ABR: variants seen among roughly 807,000 people sequenced by gnomAD.
The protein encoded by ABR is active breakpoint cluster region-related protein.
ABR carries 35 observed loss-of-function variants against 107.2 expected under a neutral mutation model. That is an observed-to-expected ratio of 0.33 (90% CI 0.25 to 0.43). The LOEUF (loss-of-function observed/expected upper bound fraction) is 0.43. ABR is among the 20% of genes least tolerant of loss of function. ABR has a pLI of 1.00. For missense variants in ABR, 815 were observed against 1,115.2 expected, an observed-to-expected ratio of 0.73 and a Z score of 3.83; for synonymous variants, 498 against 462.0, an observed-to-expected ratio of 1.08 and a Z score of -1.00.
rs557029334 is a variant in ABR, at chr17:1,051,455, C to T, written c.1562-821G>A. Reference sequence around the variant, plus strand: ...GGAGGGCAGGGCCGGGGGCTTTCCCCGGCATTTCCATCTTCCACCCTGGCC... The same window carrying T: ...GGAGGGCAGGGCCGGGGGCTTTCCCTGGCATTTCCATCTTCCACCCTGGCC... On this transcript the variant is annotated intron_variant, in intron 14 of 22. Coordinates refer to ENST00000302538, the MANE Select transcript of ABR (RefSeq NM_021962.5). This position sits in a 1 kb window ranked among gnomAD's most constrained non-coding sequence, Gnocchi z 4.3. 6.6e-5 allele frequency among the ~76,000 whole-genome samples: 10 copies of T among 152,258 alleles called. No individual in the cohort carries two copies. In the South Asian group the frequency reaches 1.9e-3, roughly 28 times the overall value.
At chr17:1,224,508 A>C (rs945608502) in intron 1 of ABR, among the ~76,000 whole-genome samples, 6 of 151,970 alleles carry the variant, frequency 3.9e-5, no homozygotes, top group African/African-American at 1.5e-4. Flanking sequence ...ATAAAACCTG[A>C]CCTTAAGGAC....
intron 1 of ABR, among the ~76,000 whole-genome samples, chr17:1,207,665 A>G (rs1034941191): frequency 5.3e-5 from 8 of 151,600 alleles, no homozygotes; most frequent in South Asian, 2.1e-4. Flanking sequence ...AAAAAAAAAA[A>G]AGAGAAGTGG....
chr17:1,034,553 G>C (rs544115394), intron 16 of ABR, among the ~76,000 whole-genome samples: 107 of 152,286 alleles, frequency 7.0e-4, no homozygotes, highest in African/African-American at 2.5e-3. Context: ...TCCAGCTGGA[G>C]GCAACTGGGG....
intron 11 of ABR, 145 bp downstream of exon 11, chr17:1,058,600 G>A (rs1053844299): frequency 6.4e-5 from 71 of 1,100,794 alleles, no homozygotes; most frequent in Non-Finnish European, 8.1e-5. Flanking sequence ...AGGGGAGAGC[G>A]AGTCAACAGC....
At chr17:1,083,362 G>A in intron 5 of ABR, 158 bp downstream of exon 5, 1 of 417,164 alleles carries the variant, frequency 2.4e-6, no homozygotes, top group Non-Finnish European at 4.4e-6. Context: ...TCTATTAAGA[G>A]GGAAAATGTC....
In ABR at chr17:1,005,058, T is replaced by C; in HGVS notation, c.*1022A>G. 2.5e-6 allele frequency: 1 copy of C among 398,970 alleles called. No individual in the cohort carries two copies. The highest frequency in any genetic ancestry group is 4.4e-6 in the Non-Finnish European group (1 of 226,218). 24.7% of individuals were successfully genotyped at this position (398,970 alleles called of 1,614,324 possible). A position where few individuals can be genotyped will look rare whatever the true frequency, so the allele number is the denominator to read the frequency against. On this transcript the variant is annotated 3_prime_UTR_variant, in exon 23 of 23. Transcript: ENST00000302538. ...GCCCCCACAACTTGCTCCTAAGAGC[T>C]GAGCTGCCTCCCCGCGACCCGGGAC... is the stretch of plus-strand genomic sequence containing the variant.
chr17:1,201,635 G>T (rs924090640), intron 1 of ABR, among the ~76,000 whole-genome samples: 3 of 152,106 alleles, frequency 2.0e-5, no homozygotes, highest in East Asian at 3.9e-4. Flanking sequence ...TTTTCTGGGG[G>T]TGTCTCATTG....
chr17:1,216,129 C>A (rs1040626531), intron 1 of ABR, among the ~76,000 whole-genome samples: 3 of 151,612 alleles, frequency 2.0e-5, no homozygotes, highest in Admixed American at 2.0e-4. Context: ...TCCTATGACC[C>A]TGCCAAATCC....
intron 16 of ABR, among the ~76,000 whole-genome samples, chr17:1,023,485 C>T (rs925423565): frequency 1.3e-5 from 2 of 152,290 alleles, no homozygotes; most frequent in Admixed American, 6.5e-5. Flanking sequence ...CAGGGCAGGT[C>T]GAGGATGCCA....
At chr17:1,079,554 CGTGGTGG>C (rs925532872) in intron 5 of ABR, among the ~76,000 whole-genome samples, 164 bp from the exon 6 acceptor site, 6 of 152,162 alleles carry the variant, frequency 3.9e-5, no homozygotes, top group South Asian at 2.1e-4. Flanking sequence ...TTTGAGAGGC[CGTGGTGG>C]GCGGATCACC....
chr17:1,005,773 C>T lies in ABR; in HGVS notation c.*307G>A, dbSNP rs113559887. 25 of 426,174 alleles carry T rather than the reference C, an allele frequency of 5.9e-5. No individual in the cohort carries two copies. The highest frequency in any genetic ancestry group is 3.0e-4 in the African/African-American group (15 of 49,450). 26.4% of individuals were successfully genotyped at this position (426,174 alleles called of 1,614,324 possible). A position where few individuals can be genotyped will look rare whatever the true frequency, so the allele number is the denominator to read the frequency against. On this transcript the variant is annotated 3_prime_UTR_variant, in exon 23 of 23. Coordinates refer to ENST00000302538, the MANE Select transcript of ABR (RefSeq NM_021962.5). ...AAGCGGGCTGTCTGTGTGCCCACGC[C>T]GGGCCGGTCACTACCTTTTCTGCCT...
Position 1,010,863 on chromosome 17 carries a change from T to C in ABR, c.2102A>G (p.Asn701Ser), listed in dbSNP as rs775869569. ...IQALKAVFDANNKDILLMLSD... is the reference protein window; with the variant it reads ...IQALKAVFDASNKDILLMLSD... ...CAGCATCAGCAGGATGTCCTTGTTA[T>C]CTGCAGGGGTGGGGCCGAGGTCAGG... The change falls in exon 20 of 23, where the codon AAT (asparagine) becomes AGT (serine). Residue 701 changes from asparagine to serine, a missense_variant and splice_region_variant. Physicochemically the swap from Asn to Ser is conservative, Grantham distance 46. This residue lies in a region of ABR where 175 missense variants were observed against 284.3 expected (regional missense o/e 0.62). Coordinates refer to ENST00000302538, the MANE Select transcript of ABR (RefSeq NM_021962.5). This position sits in a 1 kb window ranked among gnomAD's most constrained non-coding sequence, Gnocchi z 4.1. The C allele has an allele frequency of 3.1e-6, 5 of 1,613,534 alleles. No individual in the cohort carries two copies. Among genetic ancestry groups the C allele is most frequent in the Middle Eastern group, 1.7e-4 (1 of 6,002 alleles).
upstream of ABR, among the ~76,000 whole-genome samples, chr17:1,183,370 C>T (rs2042194107): frequency 6.6e-6 from 1 of 152,198 alleles, no homozygotes; most frequent in Non-Finnish European, 1.5e-5. Context: ...GGTGACCTGC[C>T]TGCTCCTGCC....
chr17:1,170,967 C>A (rs1171672324), intron 1 of ABR, among the ~76,000 whole-genome samples: 1 of 151,956 alleles, frequency 6.6e-6, no homozygotes, highest in East Asian at 1.9e-4. Flanking sequence ...CCACGCTGAC[C>A]CCACAACTCC....
chr17:1,080,129 C>T (rs1456008037), intron 5 of ABR, among the ~76,000 whole-genome samples: 1 of 152,114 alleles, frequency 6.6e-6, no homozygotes, highest in Non-Finnish European at 1.5e-5. Context: ...TCCCACACGC[C>T]AGCAGGGAAG....
At chr17:1,223,842 G>A (rs2043165887) in intron 1 of ABR, among the ~76,000 whole-genome samples, 2 of 152,126 alleles carry the variant, frequency 1.3e-5, no homozygotes, top group South Asian at 4.1e-4. Flanking sequence ...CTCCCCTCGT[G>A]ATCAGGACAA....
intron 22 of ABR, 77 bp from the exon 23 acceptor site, chr17:1,006,246 C>A: frequency 7.8e-7 from 1 of 1,288,860 alleles, no homozygotes; most frequent in Non-Finnish European, 1.1e-6. Flanking sequence ...CTGTGTTGCC[C>A]CTCCCACTCC....
At chr17:1,229,409 G>A (rs1184817671) in exon 1 of ABR, among the ~76,000 whole-genome samples, 1 of 145,870 alleles carries the variant, frequency 6.9e-6, no homozygotes, top group Non-Finnish European at 1.5e-5. Flanking sequence ...CGGGGCGCCC[G>A]GGCTCCCCGG....
intron 16 of ABR, among the ~76,000 whole-genome samples, chr17:1,044,165 A>C (rs951047724): frequency 6.6e-6 from 1 of 150,894 alleles, no homozygotes; most frequent in Non-Finnish European, 1.5e-5. Flanking sequence ...GAGCCAGGGC[A>C]GACTACGCCG....
Sources: allele counts gnomAD v4.1 joint callset (sites outside exome capture counted in the v4.1 genomes callset), GRCh38; gene constraint gnomAD v4.1.1; regional missense constraint gnomAD v4.1.1; non-coding constraint Gnocchi (gnomAD v3.1); transcripts MANE v1.5; gene names NCBI Gene and HGNC (gene_info 2026-07-23, HGNC 2026-07-21).